The following LRP11 variants were observed in gnomAD, a reference collection of about 807,000 sequenced individuals.
The protein encoded by LRP11 is LDL receptor related protein 11.
LRP11 carries 25 observed loss-of-function variants against 43.1 expected under a neutral mutation model. The ratio of observed to expected loss-of-function variants is 0.58; its 90% CI spans 0.42 to 0.81. The LOEUF (loss-of-function observed/expected upper bound fraction) is 0.81. Among genes scored for constraint, LRP11 ranks in the 30% least tolerant of loss-of-function variants. The pLI is 0.00. For missense variants in LRP11, 623 were observed against 665.1 expected (o/e 0.94, Z 0.70); for synonymous variants, 316 against 299.4 (o/e 1.06, Z -0.57).
chr6:149,850,037 G>T (rs548885786), intron 2 of LRP11, among the ~76,000 whole-genome samples: 10 of 152,182 alleles, frequency 6.6e-5, no homozygotes, highest in African/African-American at 2.2e-4. Context: ...GAGAGCAGGG[G>T]AGATGAGAGG....
chr6:149,856,511 C>G (rs7745198), intron 1 of LRP11, among the ~76,000 whole-genome samples: 23,941 of 152,064 alleles, frequency 0.16, 5,521 homozygotes, highest in African/African-American at 0.51. Context: ...AATAACAACA[C>G]GAAGAGGAAG....
chr6:149,842,511 C>G, intron 3 of LRP11: 1 of 774,714 alleles, frequency 1.3e-6, no homozygotes, highest in Non-Finnish European at 2.2e-6. Flanking sequence ...TTCCTCCGGT[C>G]TCAGTGACAC....
chr6:149,826,328 C>T lies in LRP11; in HGVS notation c.1284G>A (p.Glu428=), dbSNP rs752756473. The change falls in exon 6 of 7, where the codon GAG becomes GAA. Residue 428 remains glutamate, a synonymous_variant. Transcript: ENST00000239367. ...CCTTTGACTCAAATATATAACTTTCCTCTTTTCTGTTCTTCCCTGAGGAAC... is the reference window on the plus strand; with the variant it reads ...CCTTTGACTCAAATATATAACTTTCTTCTTTTCTGTTCTTCCCTGAGGAAC... ...DSSSSGKNRK[E]ESYIFESKGD... 3.4e-5 allele frequency: 55 copies of T among 1,613,536 alleles called. No homozygotes were observed. The highest frequency in any genetic ancestry group is 4.4e-5 in the Non-Finnish European group (52 of 1,179,562).
At chr6:149,860,717 G>C (rs1442357546) in intron 1 of LRP11, among the ~76,000 whole-genome samples, 1 of 152,080 alleles carries the variant, frequency 6.6e-6, no homozygotes, top group Non-Finnish European at 1.5e-5. Context: ...CCTCTCTCCA[G>C]CATCTCTCAC....
intron 5 of LRP11, among the ~76,000 whole-genome samples, chr6:149,833,069 A>C (rs1776429817): frequency 6.6e-6 from 1 of 152,008 alleles, no homozygotes; most frequent in South Asian, 2.1e-4. Context: ...CGGCCTCCCA[A>C]AGTGCTGGGA....
chr6:149,819,199 G>T lies in LRP11; in HGVS notation c.*1350C>A, dbSNP rs952301709. ...TTTTGATATGTTATATTCCCCACCC[G>T]AATTAAACCCTTTGTTAAAAGAACA... is the stretch of plus-strand genomic sequence containing the variant. On this transcript the variant is annotated 3_prime_UTR_variant, in exon 7 of 7. Coordinates refer to ENST00000239367, the MANE Select transcript of LRP11 (RefSeq NM_032832.6). 1 of 151,904 alleles carries T rather than the reference G, an allele frequency of 6.6e-6. No homozygotes were observed. Among genetic ancestry groups the T allele is most frequent in the African/African-American group, 2.4e-5 (1 of 41,344 alleles). The allele number at this position is 151,904 out of a possible 1,614,324, so 9.4% of individuals were successfully genotyped here. A position where few individuals can be genotyped will look rare whatever the true frequency, so the allele number is the denominator to read the frequency against.
intron 1 of LRP11, among the ~76,000 whole-genome samples, chr6:149,859,478 C>T (rs1414669035): frequency 6.8e-6 from 1 of 146,342 alleles, no homozygotes; most frequent in African/African-American, 2.6e-5. Context: ...TTACTGTAAC[C>T]TCCGACTCCA....
At chr6:149,844,109 T>C (rs940894939) in intron 2 of LRP11, among the ~76,000 whole-genome samples, 1 of 151,976 alleles carries the variant, frequency 6.6e-6, no homozygotes, top group Non-Finnish European at 1.5e-5. Flanking sequence ...AAAAATCAGC[T>C]GGGCATGGTG....
rs1267062702 is a variant in LRP11, at chr6:149,826,120, A to G, written c.1348+144T>C. Reference sequence around the variant, plus strand: ...GAGCCCCAAGACGCAGTGCAATACAAGCAACGAGGAGACAGTTCTTTCGGT... The same window carrying G: ...GAGCCCCAAGACGCAGTGCAATACAGGCAACGAGGAGACAGTTCTTTCGGT... On this transcript the variant is annotated intron_variant, in intron 6 of 6. Transcript: ENST00000239367. 5 of 737,184 alleles carry G rather than the reference A, an allele frequency of 6.8e-6. No homozygotes were observed. In the East Asian group the frequency reaches 7.5e-5, roughly 11 times the overall value. The allele number at this position is 737,184 out of a possible 1,614,324, so 45.7% of individuals were successfully genotyped here. A position where few individuals can be genotyped will look rare whatever the true frequency, so the allele number is the denominator to read the frequency against.
chr6:149,825,430 T>C (rs1254385946), intron 6 of LRP11, among the ~76,000 whole-genome samples: 1 of 152,192 alleles, frequency 6.6e-6, no homozygotes, highest in Non-Finnish European at 1.5e-5. Context: ...CCTTTACTCT[T>C]CTTTCATCGT....
chr6:149,842,766 TG>T (rs1776568199), intron 3 of LRP11: 2 of 1,381,786 alleles, frequency 1.4e-6, no homozygotes, highest in Admixed American at 4.0e-5. Context: ...TCTCATCCCC[TG>T]GAGTGCTTCC....
chr6:149,864,222 G>C lies in LRP11; in HGVS notation c.-202C>G, dbSNP rs1301207991. On this transcript the variant is annotated 5_prime_UTR_variant, in exon 1 of 7. Coordinates refer to ENST00000239367, the MANE Select transcript of LRP11 (RefSeq NM_032832.6). ...GGGAACCGCAGTAGCGGGAGACATA[G>C]CCGGCCCAGCCGGGCACCGCTCCTT... The C allele has an allele frequency of 9.1e-7, 1 of 1,102,808 alleles. No individual in the cohort carries two copies. Among genetic ancestry groups the C allele is most frequent in the African/African-American group, 1.7e-5 (1 of 60,130 alleles). 68.3% of individuals were successfully genotyped at this position (1,102,808 alleles called of 1,614,324 possible).
At chr6:149,835,940 C>T in intron 5 of LRP11, 145 bp downstream of exon 5, 1 of 705,132 alleles carries the variant, frequency 1.4e-6, no homozygotes. Context: ...GTCAAGATTT[C>T]CCCCCGCCTT....
chr6:149,832,215 T>TTTGTCG (rs1776417239), intron 5 of LRP11, among the ~76,000 whole-genome samples: 1 of 144,180 alleles, frequency 6.9e-6, no homozygotes, highest in Admixed American at 7.0e-5. Flanking sequence ...TTTTTGAGAC[T>TTTGTCG]GAGTCTCACT....
chr6:149,862,396 G>A (rs1318123590), intron 1 of LRP11, among the ~76,000 whole-genome samples: 1 of 152,066 alleles, frequency 6.6e-6, no homozygotes, highest in Non-Finnish European at 1.5e-5. Flanking sequence ...CTGACCACAC[G>A]TGGGCACAAT....
intron 2 of LRP11, among the ~76,000 whole-genome samples, 161 bp from the exon 3 acceptor site, chr6:149,843,285 C>T (rs942224393): frequency 1.3e-5 from 2 of 152,236 alleles, no homozygotes; most frequent in African/African-American, 4.8e-5. Context: ...TGGCAGCTGG[C>T]CCACCTTGAA....
At chr6:149,862,916 T>C (rs1279518839) in intron 1 of LRP11, among the ~76,000 whole-genome samples, 1 of 152,104 alleles carries the variant, frequency 6.6e-6, no homozygotes, top group Non-Finnish European at 1.5e-5. Context: ...TCAAGTCCCC[T>C]CTTTTCACTT....
intron 1 of LRP11, among the ~76,000 whole-genome samples, chr6:149,857,521 G>T (rs1314012998): frequency 6.9e-6 from 1 of 145,432 alleles, no homozygotes; most frequent in African/African-American, 2.6e-5. Flanking sequence ...AAAAAAAAAA[G>T]TAAAAAGAAA....
At chr6:149,833,709 C>A (rs1033611375) in intron 5 of LRP11, among the ~76,000 whole-genome samples, 1 of 152,146 alleles carries the variant, frequency 6.6e-6, no homozygotes, top group Non-Finnish European at 1.5e-5. Flanking sequence ...AACTGTACAT[C>A]TAATCTCTCT....
Sources: gnomAD v4.1 joint callset for allele counts (sites outside exome capture counted in the v4.1 genomes callset) on GRCh38, gnomAD v4.1.1 for gene constraint, MANE v1.5 for transcripts, NCBI Gene and HGNC (gene_info 2026-07-23, HGNC 2026-07-21) for gene names.